Variants in CDH13 observed in about 807,000 individuals in gnomAD.
CDH13 encodes the protein cadherin-13.
A neutral mutation model predicts 63.8 loss-of-function variants in CDH13; 24 were observed. The observed-to-expected ratio is 0.38, with a 90% CI of 0.27 to 0.53. The LOEUF (loss-of-function observed/expected upper bound fraction) is 0.53, where lower values mean the gene tolerates loss of function less well. Ranked by LOEUF, CDH13 falls within the 20% of genes least tolerant of loss-of-function variation. CDH13 has a pLI of 0.85. For synonymous variants in CDH13, 503 were observed against 355.3 expected (o/e 1.42, Z -4.67); for missense variants, 1,049 against 903.1 (o/e 1.16, Z -2.07).
Position 83,217,413 on chromosome 16 carries a change from T to C in CDH13, c.552T>C (p.Pro184=). Residue 184 remains proline, a synonymous_variant, in exon 5 of 14, where the codon CCT becomes CCC. Transcript: ENST00000567109. Reference sequence around the variant, plus strand: ...CTGGAAAGGGAGTGGATCAAGAGCCTAAAGGAATTTTCAGAATCAATGAGA... The same window carrying C: ...CTGGAAAGGGAGTGGATCAAGAGCCCAAAGGAATTTTCAGAATCAATGAGA... ...RLTGKGVDQE[P]KGIFRINENT... is the part of the protein sequence containing the mutation. 1 of 1,613,944 alleles carries C rather than the reference T, an allele frequency of 6.2e-7. No individual in the cohort carries two copies. The highest frequency in any genetic ancestry group is 1.3e-5 in the African/African-American group (1 of 75,056).
intron 5 of CDH13, among the ~76,000 whole-genome samples, chr16:83,286,768 A>ATG (rs1555525254): frequency 6.1e-5 from 6 of 98,350 alleles, no homozygotes; most frequent in South Asian, 4.4e-4. Flanking sequence ...AAAAAAAAAA[A>ATG]TGTATATATA....
At chr16:83,491,199 A>G (rs1225797177) in intron 7 of CDH13, among the ~76,000 whole-genome samples, 1 of 152,234 alleles carries the variant, frequency 6.6e-6, no homozygotes, top group East Asian at 1.9e-4. Flanking sequence ...GCTTTAAGAA[A>G]TAGTGTCTTG....
chr16:83,031,218 A>G (rs1017676062), intron 2 of CDH13, among the ~76,000 whole-genome samples: 5 of 146,994 alleles, frequency 3.4e-5, no homozygotes, highest in African/African-American at 9.9e-5. Flanking sequence ...TACACCATAT[A>G]CATGCGCATG....
chr16:83,596,978 T>C (rs1049190040), intron 7 of CDH13, among the ~76,000 whole-genome samples: 1 of 152,182 alleles, frequency 6.6e-6, no homozygotes, highest in Non-Finnish European at 1.5e-5. Flanking sequence ...ATCTCAGCAC[T>C]TGGGGAGCCT....
intron 2 of CDH13, among the ~76,000 whole-genome samples, chr16:82,967,666 C>A (rs974490864): frequency 4.6e-5 from 7 of 152,194 alleles, no homozygotes; most frequent in African/African-American, 1.2e-4. Flanking sequence ...GAGACCCCCC[C>A]AGCCTGCTTT....
intron 3 of CDH13, among the ~76,000 whole-genome samples, chr16:83,106,926 T>A (rs2151613399): frequency 6.6e-6 from 1 of 152,278 alleles, no homozygotes; most frequent in East Asian, 1.9e-4. Flanking sequence ...TAATCTGGTG[T>A]GGCAGTATGA....
chr16:82,634,169 C>A (rs749307388), intron 1 of CDH13, among the ~76,000 whole-genome samples: 1 of 152,236 alleles, frequency 6.6e-6, no homozygotes, highest in African/African-American at 2.4e-5. Context: ...CTGCCACATG[C>A]CTGGGCAGGG....
At chr16:83,349,843 C>T (rs139912905) in intron 6 of CDH13, among the ~76,000 whole-genome samples, 16 of 152,158 alleles carry the variant, frequency 1.1e-4, no homozygotes, top group East Asian at 9.7e-4. Context: ...TCAGGTTATC[C>T]GCCCACCTTG....
At chr16:83,702,431 C>A (rs979003313) in intron 10 of CDH13, among the ~76,000 whole-genome samples, 5 of 152,156 alleles carry the variant, frequency 3.3e-5, no homozygotes, top group Non-Finnish European at 7.4e-5. Context: ...GAGGCTGCCT[C>A]TTCAAGGTGT....
chr16:83,047,184 A>G lies in CDH13; in HGVS notation c.366+14966A>G, dbSNP rs1917870802. On this transcript the variant is annotated intron_variant, in intron 3 of 13. Transcript: ENST00000567109. The surrounding 1 kb of genome is among the most constrained non-coding windows in gnomAD (Gnocchi z 4.9). ...GGAAAGGTCTGCAGACTATAAGCAG[A>G]CTTTATCTGAAGACCACCTCCTGCC... Among the ~76,000 whole-genome samples the G allele has an allele frequency of 6.6e-6, 1 of 152,316 alleles. No homozygotes were observed. The highest frequency in any genetic ancestry group is 1.9e-4 in the East Asian group (1 of 5,184).
chr16:83,153,082 A>G (rs1208399814), intron 4 of CDH13, among the ~76,000 whole-genome samples: 1 of 152,240 alleles, frequency 6.6e-6, no homozygotes, highest in Non-Finnish European at 1.5e-5. Flanking sequence ...ATAGAGAAAA[A>G]GTAATTCATG....
Position 83,078,795 on chromosome 16 carries a change from T to C in CDH13, c.366+46577T>C, listed in dbSNP as rs189714534. ...TTTTTTGTTTGTTTGTTTGTTTTGGTTTTTTGGTTTTTTTTGAGACAGAGT... is the reference window on the plus strand; with the variant it reads ...TTTTTTGTTTGTTTGTTTGTTTTGGCTTTTTGGTTTTTTTTGAGACAGAGT... On this transcript the variant is annotated intron_variant, in intron 3 of 13. Transcript: ENST00000567109. Among the ~76,000 whole-genome samples the C allele has an allele frequency of 6.8e-4, 103 of 152,202 alleles. 1 individual carries two copies. The highest frequency in any genetic ancestry group is 2.7e-3 in the South Asian group (13 of 4,822).
intron 5 of CDH13, among the ~76,000 whole-genome samples, chr16:83,327,369 G>T (rs2090388080): frequency 6.6e-6 from 1 of 152,114 alleles, no homozygotes; most frequent in African/African-American, 2.4e-5. Flanking sequence ...CTTTTGGCTG[G>T]GTTCATTCAC....
chr16:83,725,462 C>G (rs1264889425), intron 10 of CDH13: 2 of 152,422 alleles, frequency 1.3e-5, no homozygotes, highest in Non-Finnish European at 2.9e-5. Context: ...AGCACCAGGT[C>G]TGCATCACCC....
intron 4 of CDH13, among the ~76,000 whole-genome samples, chr16:83,133,315 A>T (rs2036139859): frequency 6.6e-6 from 1 of 152,260 alleles, no homozygotes; most frequent in South Asian, 2.1e-4. Flanking sequence ...GAACACAAAA[A>T]GAATGGAAAA....
chr16:83,200,314 T>C (rs2038989265), intron 4 of CDH13, among the ~76,000 whole-genome samples: 1 of 152,190 alleles, frequency 6.6e-6, no homozygotes, highest in Non-Finnish European at 1.5e-5. Flanking sequence ...GTCCATTCCA[T>C]AGCTTGCATC....
intron 1 of CDH13, among the ~76,000 whole-genome samples, chr16:82,662,572 C>G (rs8054419): frequency 0.21 from 31,249 of 152,154 alleles, 3,330 homozygotes; most frequent in African/African-American, 0.26. Flanking sequence ...GTAAATCCAT[C>G]CCCACCACTA....
intron 3 of CDH13, among the ~76,000 whole-genome samples, chr16:83,053,431 A>T (rs1424203667): frequency 6.6e-6 from 1 of 152,160 alleles, no homozygotes; most frequent in East Asian, 1.9e-4. Flanking sequence ...GATAATGCAG[A>T]TAAGATCAAT....
At chr16:83,610,262 C>G (rs776856128) in intron 8 of CDH13, among the ~76,000 whole-genome samples, 2 of 152,100 alleles carry the variant, frequency 1.3e-5, no homozygotes, top group Non-Finnish European at 2.9e-5. Context: ...CCCATAATAT[C>G]ACTCCAAATT....
Sources: gnomAD v4.1 joint callset for allele counts (sites outside exome capture counted in the v4.1 genomes callset) on GRCh38, gnomAD v4.1.1 for gene constraint, Gnocchi (gnomAD v3.1) non-coding constraint, MANE v1.5 for transcripts, NCBI Gene and HGNC (gene_info 2026-07-23, HGNC 2026-07-21) for gene names.